DAPK1: variants seen among roughly 807,000 people sequenced by gnomAD.
DAPK1 encodes death associated protein kinase 1, also known as death-associated protein kinase 1.
A neutral mutation model predicts 144.9 loss-of-function variants in DAPK1; 56 were observed. That is an observed-to-expected ratio of 0.39 (90% CI 0.31 to 0.48). The LOEUF (loss-of-function observed/expected upper bound fraction) is 0.48. DAPK1 is among the 20% of genes least tolerant of loss of function. The pLI, the probability that DAPK1 is intolerant of heterozygous loss-of-function variation, is 0.95. For missense variants in DAPK1, 1,454 were observed against 1,875.4 expected, an observed-to-expected ratio of 0.78 and a Z score of 4.15; for synonymous variants, 690 against 749.0, an observed-to-expected ratio of 0.92 and a Z score of 1.29.
At chr9:87,561,416 CTCGG>C (rs1826917863) in intron 2 of DAPK1, among the ~76,000 whole-genome samples, 1 of 151,974 alleles carries the variant, frequency 6.6e-6, no homozygotes. Flanking sequence ...GTCCCAGCTA[CTCGG>C]GAGGCTGAGG....
chr9:87,690,302 C>G (rs187932250), intron 21 of DAPK1, among the ~76,000 whole-genome samples: 5 of 152,006 alleles, frequency 3.3e-5, no homozygotes, highest in Admixed American at 3.3e-4. Flanking sequence ...TCTTTCTCAG[C>G]TAGTTCATTT....
chr9:87,668,922 C>T (rs2119278109), intron 19 of DAPK1: 2 of 475,352 alleles, frequency 4.2e-6, no homozygotes, highest in Middle Eastern at 5.9e-4. Context: ...TTTTCCTTCT[C>T]CCACTCTCTC....
At chr9:87,529,133 G>A (rs1286309716) in intron 2 of DAPK1, among the ~76,000 whole-genome samples, 2 of 152,148 alleles carry the variant, frequency 1.3e-5, no homozygotes, top group African/African-American at 2.4e-5. Flanking sequence ...CTGACAACAT[G>A]TAAAACCCCA....
intron 2 of DAPK1, among the ~76,000 whole-genome samples, chr9:87,593,122 C>T (rs1255705424): frequency 6.6e-6 from 1 of 152,236 alleles, no homozygotes; most frequent in Non-Finnish European, 1.5e-5. Context: ...AGAAGCTTGG[C>T]TACCCTCAGT....
chr9:87,693,201 C>T (rs1338454840), intron 21 of DAPK1, among the ~76,000 whole-genome samples: 1 of 151,398 alleles, frequency 6.6e-6, no homozygotes, highest in African/African-American at 2.4e-5. Context: ...ACCTTTGGGA[C>T]ACCAAAAACT....
chr9:87,625,603 T>C (rs1299425515), intron 3 of DAPK1, among the ~76,000 whole-genome samples: 1 of 152,166 alleles, frequency 6.6e-6, no homozygotes, highest in Non-Finnish European at 1.5e-5. Flanking sequence ...GGCACAGTAG[T>C]GCTGGAGACT....
chr9:87,669,334 T>TAAA (rs1831171212), intron 19 of DAPK1, among the ~76,000 whole-genome samples: 2 of 110,412 alleles, frequency 1.8e-5, no homozygotes, highest in African/African-American at 5.4e-5. Context: ...AGGAGTTTAT[T>TAAA]GCTTGGGGTG....
At chr9:87,574,135 C>T (rs1221525755) in intron 2 of DAPK1, among the ~76,000 whole-genome samples, 1 of 152,204 alleles carries the variant, frequency 6.6e-6, no homozygotes, top group African/African-American at 2.4e-5. Context: ...AAGAAAGTCA[C>T]GTCCTTTCCC....
rs760156331 is a variant in DAPK1 at position 87,605,151 on chromosome 9, C to A, written c.260C>A (p.Thr87Lys). 1.2e-6 allele frequency: 2 copies of A among 1,614,000 alleles called. No individual in the cohort carries two copies. The highest frequency in any genetic ancestry group is 2.2e-5 in the South Asian group (2 of 91,080). The change falls in exon 3 of 26, where the codon ACG becomes AAG. Residue 87 changes from threonine (T) to lysine (K), a missense_variant. This residue lies in a region of DAPK1 where 429 missense variants were observed against 637.5 expected (regional missense o/e 0.67). Coordinates refer to ENST00000408954, the MANE Select transcript of DAPK1 (RefSeq NM_004938.4). ...ITLHEVYENK[T>K]DVILILELVA... ...CTGCACGAGGTCTATGAGAACAAGA[C>A]GGACGTCATCCTGATCTTGGAACTG...
chr9:87,530,586 C>A (rs541670797), intron 2 of DAPK1, among the ~76,000 whole-genome samples: 1 of 152,172 alleles, frequency 6.6e-6, no homozygotes, highest in African/African-American at 2.4e-5. Context: ...CACTGTACTT[C>A]TTCAGAAATT....
At chr9:87,632,894 A>G (rs1191140022) in intron 3 of DAPK1, 1 of 925,894 alleles carries the variant, frequency 1.1e-6, no homozygotes, top group African/African-American at 2.1e-5. Flanking sequence ...GTAGGGATGA[A>G]GGAGGATGAG....
intron 2 of DAPK1, among the ~76,000 whole-genome samples, chr9:87,515,500 A>G (rs113991320): frequency 1.3e-5 from 2 of 152,040 alleles, no homozygotes; most frequent in Non-Finnish European, 2.9e-5. Flanking sequence ...GGTCTTTTGG[A>G]TGGGGATAGG....
At chr9:87,517,197 G>A (rs921110732) in intron 2 of DAPK1, among the ~76,000 whole-genome samples, 1 of 152,068 alleles carries the variant, frequency 6.6e-6, no homozygotes, top group African/African-American at 2.4e-5. Flanking sequence ...CCAGGAAGGG[G>A]CATCCACTTA....
At chr9:87,705,866 T>G (rs1032061616) in intron 25 of DAPK1, among the ~76,000 whole-genome samples, 10 of 107,704 alleles carry the variant, frequency 9.3e-5, no homozygotes, top group Non-Finnish European at 1.7e-4. Context: ...CCATCTCCCA[T>G]TTTTTTTTCT....
intron 13 of DAPK1, 76 bp from the exon 14 acceptor site, chr9:87,647,229 C>T: frequency 8.7e-7 from 1 of 1,152,894 alleles, no homozygotes; most frequent in Non-Finnish European, 1.3e-6. Flanking sequence ...AGGGAAATAA[C>T]AGTGAGTCTG....
chr9:87,600,569 C>T (rs1018447818), intron 2 of DAPK1, among the ~76,000 whole-genome samples: 4 of 151,882 alleles, frequency 2.6e-5, no homozygotes, highest in Non-Finnish European at 4.4e-5. Context: ...CTACAGCCTG[C>T]GCGGCAGAGC....
chr9:87,632,923 A>AT (rs1829756847), intron 3 of DAPK1: 3 of 699,480 alleles, frequency 4.3e-6, no homozygotes, highest in Non-Finnish European at 3.4e-6. Context: ...TATATATATA[A>AT]ATGAAGGGTG....
At chr9:87,513,797 G>A (rs1824940715) in intron 2 of DAPK1, among the ~76,000 whole-genome samples, 1 of 152,180 alleles carries the variant, frequency 6.6e-6, no homozygotes, top group African/African-American at 2.4e-5. Flanking sequence ...CTAGCACAGT[G>A]CTGGCTCATA....
intron 3 of DAPK1, among the ~76,000 whole-genome samples, chr9:87,628,133 G>A (rs139343054): frequency 1.5e-3 from 225 of 152,176 alleles, no homozygotes; most frequent in African/African-American, 5.1e-3. Flanking sequence ...AACCTCCCTG[G>A]GTAAAAGGAA....
Sources: allele counts gnomAD v4.1 joint callset (sites outside exome capture counted in the v4.1 genomes callset), GRCh38; gene constraint gnomAD v4.1.1; regional missense constraint gnomAD v4.1.1; transcripts MANE v1.5; gene names NCBI Gene and HGNC (gene_info 2026-07-23, HGNC 2026-07-21).